Variants in WDPCP observed in about 807,000 individuals in gnomAD.
The protein encoded by WDPCP is WD repeat containing planar cell polarity effector, also known as WD repeat-containing and planar cell polarity effector protein fritz homolog.
A neutral mutation model predicts 93.1 loss-of-function variants in WDPCP; 71 were observed. The observed-to-expected ratio is 0.76, with a 90% CI of 0.63 to 0.93. The LOEUF (loss-of-function observed/expected upper bound fraction) is 0.93. Among genes scored for constraint, WDPCP ranks in the 40% least tolerant of loss-of-function variants. The pLI, the probability that WDPCP is intolerant of heterozygous loss-of-function variation, is 0.00. For synonymous variants in WDPCP, 315 were observed against 315.0 expected, an observed-to-expected ratio of 1.00 and a Z score of 0.00; for missense variants, 844 against 887.4, an observed-to-expected ratio of 0.95 and a Z score of 0.62.
At chr2:63,533,362 A>G (rs1558767962) in intron 1 of WDPCP, among the ~76,000 whole-genome samples, 1 of 152,214 alleles carries the variant, frequency 6.6e-6, no homozygotes, top group South Asian at 2.1e-4. Context: ...AGCGAACCTA[A>G]TAGACATCTA....
intron 2 of WDPCP, among the ~76,000 whole-genome samples, chr2:63,690,465 T>C (rs1040294892): frequency 6.6e-6 from 1 of 152,048 alleles, no homozygotes; most frequent in Non-Finnish European, 1.5e-5. Flanking sequence ...CAGCAAAAAC[T>C]TCAAGCAGGC....
chr2:63,236,360 C>G (rs1679392735), intron 14 of WDPCP, among the ~76,000 whole-genome samples: 1 of 152,138 alleles, frequency 6.6e-6, no homozygotes, highest in Non-Finnish European at 1.5e-5. Context: ...CTTCCATGTG[C>G]ATGGATTGGA....
At chr2:63,200,172 C>T (rs1322843905) in intron 14 of WDPCP, among the ~76,000 whole-genome samples, 1 of 152,080 alleles carries the variant, frequency 6.6e-6, no homozygotes, top group Non-Finnish European at 1.5e-5. Flanking sequence ...TTTGATTTTA[C>T]AGGTTCATAG....
At chr2:63,469,299 A>C (rs995076034) in intron 6 of WDPCP, among the ~76,000 whole-genome samples, 1 of 152,250 alleles carries the variant, frequency 6.6e-6, no homozygotes, top group Non-Finnish European at 1.5e-5. Context: ...GAGATTCCTC[A>C]AAGTCCTAAA....
intron 10 of WDPCP, among the ~76,000 whole-genome samples, chr2:63,393,554 G>A (rs1277969108): frequency 1.3e-5 from 2 of 150,454 alleles, no homozygotes; most frequent in African/African-American, 4.9e-5. Context: ...TAAAAAAGGG[G>A]AAAAAAAAGA....
intron 2 of WDPCP, among the ~76,000 whole-genome samples, chr2:63,715,611 T>G (rs1669326094): frequency 6.6e-6 from 1 of 152,240 alleles, no homozygotes; most frequent in Non-Finnish European, 1.5e-5. Flanking sequence ...ATTAAATTTT[T>G]TCATGCTTCA....
intron 2 of WDPCP, among the ~76,000 whole-genome samples, chr2:63,776,121 A>G (rs1320287429): frequency 2.0e-5 from 3 of 151,950 alleles, no homozygotes; most frequent in African/African-American, 7.2e-5. Context: ...ATACATACAC[A>G]AGTTGCTCCA....
chr2:63,433,107 T>C (rs552148121), intron 9 of WDPCP, among the ~76,000 whole-genome samples: 2 of 152,070 alleles, frequency 1.3e-5, no homozygotes, highest in African/African-American at 4.8e-5. Flanking sequence ...TACACATAGG[T>C]TCACATATAT....
intron 1 of WDPCP, among the ~76,000 whole-genome samples, chr2:63,563,259 T>C (rs1307916954): frequency 6.6e-6 from 1 of 151,982 alleles, no homozygotes; most frequent in African/African-American, 2.4e-5. Context: ...CTTCTACTAC[T>C]AATTCACTAG....
intron 2 of WDPCP, among the ~76,000 whole-genome samples, chr2:63,762,868 G>C (rs767404332): frequency 2.0e-5 from 3 of 152,046 alleles, no homozygotes; most frequent in African/African-American, 7.2e-5. Context: ...ATTTTGGAGG[G>C]GCTATTCAAA....
chr2:63,187,308 T>A (rs898695166), intron 14 of WDPCP, among the ~76,000 whole-genome samples: 1 of 152,326 alleles, frequency 6.6e-6, no homozygotes, highest in Admixed American at 6.5e-5. Context: ...TTATTTTTTT[T>A]ATCCATTTAG....
At chr2:63,428,769 T>C (rs1575403589) in intron 9 of WDPCP, among the ~76,000 whole-genome samples, 1 of 151,900 alleles carries the variant, frequency 6.6e-6, no homozygotes, top group South Asian at 2.1e-4. Context: ...AATGTCCAAA[T>C]CAAGATTGCA....
intron 13 of WDPCP, among the ~76,000 whole-genome samples, chr2:63,278,723 G>A (rs1452530452): frequency 6.6e-6 from 1 of 152,172 alleles, no homozygotes; most frequent in Admixed American, 6.5e-5. Context: ...GCTACCAGGA[G>A]GCTGAGGCAG....
chr2:63,368,366 C>T (rs1450287827), intron 12 of WDPCP, among the ~76,000 whole-genome samples: 3 of 151,366 alleles, frequency 2.0e-5, no homozygotes, highest in African/African-American at 7.3e-5. Context: ...CGCTCTGTCG[C>T]CCAGGCTGGA....
rs576741567 is a variant in WDPCP, at chr2:63,767,590, A to G, written n.308+46032T>C. On this transcript the variant is annotated intron_variant and non_coding_transcript_variant, in intron 2 of 4. Transcript: ENST00000467687. ...TTTAATTTGCATTCTGTAATGATCA[A>G]TGATGATGAACATCTTTTTATGTGC... is the stretch of plus-strand genomic sequence containing the variant. Among the ~76,000 whole-genome samples, 23 of 152,272 alleles carry G rather than the reference A, an allele frequency of 1.5e-4. 1 individual carries two copies. In the South Asian group the frequency reaches 3.7e-3, roughly 25 times the overall value.
In WDPCP at chr2:63,120,524, ATT is replaced by A. The variant is rs11344156; in HGVS notation, c.*1480_*1481del. 7.4e-4 allele frequency among the ~76,000 whole-genome samples: 81 copies of A among 108,830 alleles called. No homozygotes were observed. The highest frequency in any genetic ancestry group is 1.4e-3 in the East Asian group (6 of 4,428). 71.4% of individuals were successfully genotyped at this position (108,830 alleles called of 152,430 possible). A position where few individuals can be genotyped will look rare whatever the true frequency, so the allele number is the denominator to read the frequency against. Reference sequence around the variant, plus strand: ...TTGATTATTATTATAGATGTCTATAATTTTTTTTTTTTTTTTTTTTGCAACGG... The same window carrying A: ...TTGATTATTATTATAGATGTCTATAATTTTTTTTTTTTTTTTTTGCAACGG... On this transcript the variant is annotated 3_prime_UTR_variant, in exon 18 of 18. Coordinates refer to ENST00000272321, the MANE Select transcript of WDPCP (RefSeq NM_015910.7).
chr2:63,145,545 G>A (rs1307862110), intron 17 of WDPCP, among the ~76,000 whole-genome samples: 2 of 152,208 alleles, frequency 1.3e-5, no homozygotes, highest in Admixed American at 6.5e-5. Flanking sequence ...GGGGAAAGCC[G>A]GCAGTCACTG....
intron 13 of WDPCP, among the ~76,000 whole-genome samples, chr2:63,304,820 A>G (rs1685596942): frequency 1.3e-5 from 2 of 152,074 alleles, no homozygotes. Flanking sequence ...TCCCACCCCC[A>G]TGGAGCCCAG....
intron 9 of WDPCP, among the ~76,000 whole-genome samples, chr2:63,410,764 C>T (rs1694963800): frequency 6.6e-6 from 1 of 152,166 alleles, no homozygotes; most frequent in Non-Finnish European, 1.5e-5. Context: ...ACAAAATAAA[C>T]TTTAAAGCAA....
Sources: allele counts gnomAD v4.1 joint callset (sites outside exome capture counted in the v4.1 genomes callset), GRCh38; gene constraint gnomAD v4.1.1; transcripts MANE v1.5; gene names NCBI Gene and HGNC (gene_info 2026-07-23, HGNC 2026-07-21).